Variants in SUSD1 observed in about 807,000 individuals in gnomAD.
The protein encoded by SUSD1 is sushi domain containing 1, also known as sushi domain-containing protein 1.
SUSD1 carries 65 observed loss-of-function variants against 86.9 expected under a neutral mutation model. The ratio of observed to expected loss-of-function variants is 0.75; its 90% CI spans 0.61 to 0.92. SUSD1 has a LOEUF of 0.92. Ranked by LOEUF, SUSD1 falls within the 40% of genes least tolerant of loss-of-function variation. SUSD1 has a pLI of 0.00. For synonymous variants in SUSD1, 346 were observed against 350.0 expected, an observed-to-expected ratio of 0.99 and a Z score of 0.13; for missense variants, 850 against 929.7, an observed-to-expected ratio of 0.91 and a Z score of 1.11.
chr9:112,169,740 T>A (rs1255885817), intron 1 of SUSD1, among the ~76,000 whole-genome samples: 3 of 151,070 alleles, frequency 2.0e-5, no homozygotes, highest in African/African-American at 7.3e-5. Flanking sequence ...AATAGCATGA[T>A]CTCGGCTCAC....
intron 12 of SUSD1, among the ~76,000 whole-genome samples, chr9:112,075,452 C>CCT (rs1392616520): frequency 2.6e-5 from 4 of 152,058 alleles, no homozygotes; most frequent in Non-Finnish European, 5.9e-5. Context: ...CTAGGCTGGG[C>CCT]ACAGAGACTC....
At chr9:112,080,531 T>C (rs979868920) in intron 10 of SUSD1, among the ~76,000 whole-genome samples, 5 of 151,800 alleles carry the variant, frequency 3.3e-5, no homozygotes, top group Non-Finnish European at 7.4e-5. Flanking sequence ...CTACTAAAAA[T>C]ACAAAAACTA....
rs945765114 is a variant in SUSD1, at chr9:112,175,064, C to A, written c.103+69G>T. The A allele has an allele frequency of 3.0e-6, 3 of 988,410 alleles. No individual in the cohort carries two copies. The highest frequency in any genetic ancestry group is 3.6e-6 in the Non-Finnish European group (3 of 830,770). The allele number at this position is 988,410 out of a possible 1,614,324, so 61.2% of individuals were successfully genotyped here. On this transcript the variant is annotated intron_variant, in intron 1 of 16. Transcript: ENST00000374270. The surrounding 1 kb of genome is among the most constrained non-coding windows in gnomAD (Gnocchi z 4.7). ...GCCCAGGGGCGGGGAAGCGTCCGTG[C>A]GCCCAGAGTCCTCGAGGCCCAGCCG...
chr9:112,098,782 G>T, intron 9 of SUSD1, 120 bp from the exon 10 acceptor site: 1 of 925,130 alleles, frequency 1.1e-6, no homozygotes, highest in Non-Finnish European at 1.6e-6. Context: ...TGCCCACTTA[G>T]AATTACTTTT....
intron 4 of SUSD1, among the ~76,000 whole-genome samples, chr9:112,143,097 G>T (rs1460642160): frequency 6.9e-6 from 1 of 144,174 alleles, no homozygotes; most frequent in African/African-American, 2.6e-5. Flanking sequence ...AAATTCTCAT[G>T]CCTCAGCCTC....
chr9:112,103,151 G>A (rs571955150), intron 8 of SUSD1: 8 of 463,020 alleles, frequency 1.7e-5, no homozygotes, highest in East Asian at 1.4e-4. Context: ...TATTTCTCCC[G>A]TGGGAGTTTC....
At chr9:112,115,733 T>C (rs1831283847) in intron 6 of SUSD1, among the ~76,000 whole-genome samples, 1 of 137,828 alleles carries the variant, frequency 7.3e-6, no homozygotes, top group Non-Finnish European at 1.5e-5. Flanking sequence ...TGCTTGAACC[T>C]GGGAGGCAGA....
At chr9:112,131,028 A>C (rs1026240216) in intron 5 of SUSD1, among the ~76,000 whole-genome samples, 4 of 152,140 alleles carry the variant, frequency 2.6e-5, no homozygotes, top group Non-Finnish European at 5.9e-5. Flanking sequence ...CAAAAACACA[A>C]AAACAAAAAA....
chr9:112,148,463 A>G (rs980336727), intron 3 of SUSD1, among the ~76,000 whole-genome samples: 1 of 152,066 alleles, frequency 6.6e-6, no homozygotes, highest in Middle Eastern at 3.4e-3. Flanking sequence ...GACAACTCTG[A>G]CCTCCTGTGA....
At chr9:112,132,230 T>C (rs1001466533) in intron 5 of SUSD1, among the ~76,000 whole-genome samples, 1 of 152,128 alleles carries the variant, frequency 6.6e-6, no homozygotes, top group Non-Finnish European at 1.5e-5. Context: ...TCTAAGACTG[T>C]TTAGAGATCA....
At chr9:112,061,094 G>A (rs1589593382) in intron 13 of SUSD1, among the ~76,000 whole-genome samples, 1 of 152,194 alleles carries the variant, frequency 6.6e-6, no homozygotes, top group Non-Finnish European at 1.5e-5. Flanking sequence ...AAAGCTCCCA[G>A]GTGATTCCTA....
chr9:112,129,678 G>T (rs149586131), intron 5 of SUSD1, among the ~76,000 whole-genome samples: 1 of 152,292 alleles, frequency 6.6e-6, no homozygotes, highest in East Asian at 1.9e-4. Flanking sequence ...CTGCCTTGCA[G>T]ATTTAGTGTC....
chr9:112,148,868 T>A (rs911282922), intron 3 of SUSD1, among the ~76,000 whole-genome samples: 1 of 151,070 alleles, frequency 6.6e-6, no homozygotes, highest in Admixed American at 6.6e-5. Context: ...ATTGTGCCAC[T>A]GCACTCCAGC....
Position 112,111,659 on chromosome 9 carries a change from G to A in SUSD1, c.1166C>T (p.Thr389Ile), listed in dbSNP as rs749880924. 5.0e-6 allele frequency: 8 copies of A among 1,613,392 alleles called. No individual in the cohort carries two copies. The East Asian group carries it at 1.3e-4, about 27-fold the overall frequency. Residue 389 changes from threonine (T) to isoleucine (I), a missense_variant, in exon 8 of 17, where the codon ACA becomes ATA. Physicochemically the swap from Thr to Ile is moderately conservative, Grantham distance 89. Coordinates refer to ENST00000374270, the MANE Select transcript of SUSD1 (RefSeq NM_022486.5). ...RSMPAVIGFQ[T>I]AEVDLLEDDG... Reference sequence around the variant, plus strand: ...GAGACTTCACCTCCACCTACCAGCTGTCTGGAAACCGATGACGGCTGGCAT... The same window carrying A: ...GAGACTTCACCTCCACCTACCAGCTATCTGGAAACCGATGACGGCTGGCAT...
intron 13 of SUSD1, 61 bp downstream of exon 13, chr9:112,062,876 A>G: frequency 8.5e-7 from 1 of 1,182,494 alleles, no homozygotes; most frequent in Non-Finnish European, 1.2e-6. Context: ...ACCAAAATCA[A>G]AGTTTCCAAA....
chr9:112,133,464 G>C (rs1373552903), intron 5 of SUSD1, among the ~76,000 whole-genome samples: 2 of 152,154 alleles, frequency 1.3e-5, no homozygotes, highest in African/African-American at 4.8e-5. Context: ...ACAAGCAAAG[G>C]GGAAAGGACT....
intron 11 of SUSD1, 85 bp from the exon 12 acceptor site, chr9:112,078,809 C>CT: frequency 1.8e-5 from 15 of 829,652 alleles, no homozygotes; most frequent in South Asian, 6.3e-5. Context: ...CTTTTTCTTT[C>CT]TCTTTTTTTT....
chr9:112,154,327 C>A (rs1159898544), intron 2 of SUSD1, among the ~76,000 whole-genome samples: 3 of 122,114 alleles, frequency 2.5e-5, no homozygotes, highest in Non-Finnish European at 5.1e-5. Flanking sequence ...CACCTCCACA[C>A]ACACACACAA....
Position 112,121,279 on chromosome 9 carries a change from G to GAATTCA in SUSD1, c.886+2977_886+2978insTGAATT, listed in dbSNP as rs754842704. On this transcript the variant is annotated intron_variant, in intron 6 of 16. Transcript: ENST00000374270. ...CCTACATCCTCTTGAATTCGCGATG[G>GAATTCA]AGATAACCAAATATAGGAATTGCAT... 2.1e-3 allele frequency among the ~76,000 whole-genome samples: 325 copies of GAATTCA among 152,222 alleles called. 2 individuals carry two copies. Among genetic ancestry groups the GAATTCA allele is most frequent in the Admixed American group, 7.0e-3 (107 of 15,286 alleles).
Sources: allele counts gnomAD v4.1 joint callset (sites outside exome capture counted in the v4.1 genomes callset), GRCh38; gene constraint gnomAD v4.1.1; non-coding constraint Gnocchi (gnomAD v3.1); transcripts MANE v1.5; gene names NCBI Gene and HGNC (gene_info 2026-07-23, HGNC 2026-07-21).